PRKCH: variants seen among roughly 807,000 people sequenced by gnomAD.
PRKCH encodes protein kinase C eta.
Under a neutral mutation model 82.5 loss-of-function variants are expected in PRKCH, and 28 were observed. That is an observed-to-expected ratio of 0.34 (90% confidence interval 0.25 to 0.47). The LOEUF (loss-of-function observed/expected upper bound fraction) is 0.47. PRKCH is among the 20% of genes least tolerant of loss of function. The pLI, the probability that PRKCH is intolerant of heterozygous loss-of-function variation, is 1.00. For missense variants in PRKCH, 705 were observed against 881.8 expected (o/e 0.80, Z 2.54); for synonymous variants, 322 against 327.4 (o/e 0.98, Z 0.18).
At chr14:61,439,515 C>G (rs1883849843) in intron 2 of PRKCH, among the ~76,000 whole-genome samples, 1 of 152,150 alleles carries the variant, frequency 6.6e-6, no homozygotes. Flanking sequence ...TTGTCCATGT[C>G]CCTGTATGAA....
At chr14:61,225,848 C>G (rs554008630) in intron 1 of PRKCH, among the ~76,000 whole-genome samples, 89 of 152,052 alleles carry the variant, frequency 5.9e-4, no homozygotes, top group African/African-American at 2.1e-3. Context: ...AAGTGATTCT[C>G]CAGCCTCATC....
chr14:61,486,724 G>A (rs1886242918), intron 10 of PRKCH, among the ~76,000 whole-genome samples: 1 of 149,504 alleles, frequency 6.7e-6, no homozygotes, highest in Non-Finnish European at 1.5e-5. Context: ...ATTTTGGCTA[G>A]GTCGGTCTTG....
At chr14:61,249,213 C>T (rs1333657937) in intron 1 of PRKCH, among the ~76,000 whole-genome samples, 1 of 152,102 alleles carries the variant, frequency 6.6e-6, no homozygotes, top group Admixed American at 6.5e-5. Context: ...TATAAAACCA[C>T]CTATCCCCAC....
intron 9 of PRKCH, among the ~76,000 whole-genome samples, chr14:61,465,845 G>C (rs1433095029): frequency 6.6e-6 from 1 of 152,188 alleles, no homozygotes; most frequent in African/African-American, 2.4e-5. Flanking sequence ...GTCAGGTACC[G>C]TCGTAAGCAC....
chr14:61,337,093 T>G (rs920061828), intron 1 of PRKCH, among the ~76,000 whole-genome samples: 1 of 127,040 alleles, frequency 7.9e-6, no homozygotes, highest in African/African-American at 2.9e-5. Context: ...AAAAAAAAAG[T>G]ACATCGTTTG....
chr14:61,226,523 C>T (rs1278039888), intron 1 of PRKCH, among the ~76,000 whole-genome samples: 3 of 152,120 alleles, frequency 2.0e-5, no homozygotes, highest in Non-Finnish European at 4.4e-5. Context: ...TTATACCAGG[C>T]GAGGGTGACA....
intron 1 of PRKCH, among the ~76,000 whole-genome samples, chr14:61,291,550 G>T (rs1165599890): frequency 6.6e-6 from 1 of 151,974 alleles, no homozygotes; most frequent in Non-Finnish European, 1.5e-5. Flanking sequence ...GGATGGTCTC[G>T]AACTCCTGAC....
chr14:61,228,187 A>C (rs2044712643), intron 1 of PRKCH, among the ~76,000 whole-genome samples: 1 of 152,212 alleles, frequency 6.6e-6, no homozygotes, highest in Non-Finnish European at 1.5e-5. Flanking sequence ...TTGGGTGAAA[A>C]GTAACTTGGC....
At chr14:61,190,569 C>T (rs903219737) in intron 1 of PRKCH, among the ~76,000 whole-genome samples, 31 of 152,196 alleles carry the variant, frequency 2.0e-4, no homozygotes, top group African/African-American at 7.5e-4. Flanking sequence ...TGGTTTTTCT[C>T]TTGTACTTAA....
At chr14:61,501,162 G>A (rs11846895) in intron 10 of PRKCH, among the ~76,000 whole-genome samples, 5,919 of 152,132 alleles carry the variant, frequency 0.039, 360 homozygotes, top group African/African-American at 0.13. Context: ...TAATTCATGT[G>A]GCTTGCTTAT....
intron 10 of PRKCH, among the ~76,000 whole-genome samples, chr14:61,500,639 A>G (rs1886864331): frequency 6.6e-6 from 1 of 152,120 alleles, no homozygotes; most frequent in Admixed American, 6.5e-5. Context: ...CATCCATTTG[A>G]GAGTATAGCT....
At chr14:61,404,446 G>GATCC (rs1295126047) in intron 2 of PRKCH, among the ~76,000 whole-genome samples, 251 of 151,468 alleles carry the variant, frequency 1.7e-3, no homozygotes, top group Non-Finnish European at 3.1e-3. Flanking sequence ...AGGTTTAGTG[G>GATCC]ATCCATCCAT....
At position 61,375,927 on chromosome 14, in the gene PRKCH, G is replaced by C. The variant is rs558511087; in HGVS notation, c.364-15298G>C. On this transcript the variant is annotated intron_variant, in intron 1 of 13. Coordinates refer to ENST00000332981, the MANE Select transcript of PRKCH (RefSeq NM_006255.5). ...AGCTACTTGGGAGGCTGAGGCAGGA[G>C]AATCACTTGAACCCGGGAGGTAGAG... is the stretch of plus-strand genomic sequence containing the variant. Among the ~76,000 whole-genome samples, 47 of 150,678 alleles carry C rather than the reference G, an allele frequency of 3.1e-4. 1 individual carries two copies. The highest frequency in any genetic ancestry group is 1.1e-3 in the Admixed American group (17 of 15,056).
chr14:61,259,913 C>T (rs1232378069), intron 1 of PRKCH, among the ~76,000 whole-genome samples: 1 of 152,118 alleles, frequency 6.6e-6, no homozygotes, highest in African/African-American at 2.4e-5. Context: ...ATCCATCAAT[C>T]CCCAGAAATC....
rs879318532 is a variant in PRKCH at position 61,509,808 on chromosome 14, GGGAGGCTGA to G, written c.1434-19264_1434-19256del. ...TGGGTTCCTCTAATCCCAGCTACTT[GGGAGGCTGA>G]GGCAGGAGGATCACTTGAATCTGGG... On this transcript the variant is annotated intron_variant, in intron 10 of 13. Coordinates refer to ENST00000332981, the MANE Select transcript of PRKCH (RefSeq NM_006255.5). Among the ~76,000 whole-genome samples, 347 of 152,262 alleles carry G rather than the reference GGGAGGCTGA, an allele frequency of 2.3e-3. 4 individuals carry two copies. Among genetic ancestry groups the G allele is most frequent in the Admixed American group, 0.02 (307 of 15,294 alleles).
intron 1 of PRKCH, among the ~76,000 whole-genome samples, chr14:61,360,454 G>A (rs1029353045): frequency 3.9e-5 from 6 of 152,078 alleles, no homozygotes; most frequent in Admixed American, 1.3e-4. Context: ...GCAGGGAGCC[G>A]AAGTCGCGCC....
intron 10 of PRKCH, among the ~76,000 whole-genome samples, chr14:61,487,732 C>T (rs1886285867): frequency 6.6e-6 from 1 of 152,004 alleles, no homozygotes; most frequent in Non-Finnish European, 1.5e-5. Flanking sequence ...GTGACTCACA[C>T]CTCTAATCCC....
chr14:61,260,075 C>T (rs1050707440), intron 1 of PRKCH, among the ~76,000 whole-genome samples: 6 of 152,088 alleles, frequency 3.9e-5, no homozygotes, highest in Admixed American at 1.3e-4. Context: ...ATGAAACTTC[C>T]GTATCAAACA....
At chr14:61,499,369 G>T (rs1886799917) in intron 10 of PRKCH, among the ~76,000 whole-genome samples, 1 of 152,156 alleles carries the variant, frequency 6.6e-6, no homozygotes, top group Non-Finnish European at 1.5e-5. Context: ...CAGTTCAGTT[G>T]CAAAGAGAAG....
Sources: allele counts gnomAD v4.1 joint callset (sites outside exome capture counted in the v4.1 genomes callset), GRCh38; gene constraint gnomAD v4.1.1; transcripts MANE v1.5; gene names NCBI Gene and HGNC (gene_info 2026-07-23, HGNC 2026-07-21).